The following PTPRG variants were observed in gnomAD, a reference collection of about 807,000 sequenced individuals.
The protein encoded by PTPRG is receptor-type tyrosine-protein phosphatase gamma.
In PTPRG, 102 loss-of-function variants were observed where a neutral mutation model predicts 165.3. The observed-to-expected ratio is 0.62, with a 90% CI of 0.53 to 0.73. The LOEUF (loss-of-function observed/expected upper bound fraction) is 0.73. Ranked by LOEUF, PTPRG falls within the 30% of genes least tolerant of loss-of-function variation. The pLI, the probability that PTPRG is intolerant of heterozygous loss-of-function variation, is 0.00. For missense variants in PTPRG, 1,866 were observed against 1,861.4 expected, an observed-to-expected ratio of 1.00 and a Z score of -0.05; for synonymous variants, 675 against 669.5, an observed-to-expected ratio of 1.01 and a Z score of -0.13.
chr3:62,275,753 C>A (rs1322922798), intron 23 of PTPRG, 120 bp from the exon 24 acceptor site: 1 of 707,498 alleles, frequency 1.4e-6, no homozygotes, highest in South Asian at 1.9e-5. Flanking sequence ...TTAAAAGGTT[C>A]TTTGTGGCAC....
At chr3:61,833,266 T>A (rs2036361515) in intron 2 of PTPRG, among the ~76,000 whole-genome samples, 1 of 152,184 alleles carries the variant, frequency 6.6e-6, no homozygotes, top group South Asian at 2.1e-4. Flanking sequence ...ACTTTCACTA[T>A]AATGCCCCCA....
intron 1 of PTPRG, among the ~76,000 whole-genome samples, chr3:61,643,295 CAG>C (rs1702115107): frequency 6.8e-6 from 1 of 146,824 alleles, no homozygotes; most frequent in Non-Finnish European, 1.5e-5. Context: ...GAGAGAGAGA[CAG>C]AGACAGACAG....
intron 1 of PTPRG, among the ~76,000 whole-genome samples, chr3:61,696,399 G>A (rs1031405355): frequency 1.3e-5 from 2 of 152,128 alleles, no homozygotes; most frequent in Non-Finnish European, 2.9e-5. Flanking sequence ...CTACTTGGGA[G>A]GCTGAGGCAA....
At chr3:61,927,829 T>C (rs1575793575) in intron 2 of PTPRG, among the ~76,000 whole-genome samples, 1 of 152,218 alleles carries the variant, frequency 6.6e-6, no homozygotes, top group Non-Finnish European at 1.5e-5. Flanking sequence ...TGATGTTGAA[T>C]AGAAGCTGAA....
At chr3:62,114,196 G>A (rs1559522795) in intron 5 of PTPRG, among the ~76,000 whole-genome samples, 1 of 152,146 alleles carries the variant, frequency 6.6e-6, no homozygotes, top group Non-Finnish European at 1.5e-5. Flanking sequence ...CTACTTGGGA[G>A]GCTGAGGCAG....
At chr3:61,925,133 T>G (rs2107570645) in intron 2 of PTPRG, among the ~76,000 whole-genome samples, 1 of 152,362 alleles carries the variant, frequency 6.6e-6, no homozygotes, top group African/African-American at 2.4e-5. Context: ...TCAAGGTGAC[T>G]TAAGACAGAA....
At chr3:61,805,600 A>T (rs2035390266) in intron 2 of PTPRG, among the ~76,000 whole-genome samples, 1 of 151,000 alleles carries the variant, frequency 6.6e-6, no homozygotes, top group South Asian at 2.1e-4. Context: ...TTTCCCTCTG[A>T]GGACTGTTTT....
chr3:61,616,663 A>G (rs1258078947), intron 1 of PTPRG, among the ~76,000 whole-genome samples: 1 of 152,222 alleles, frequency 6.6e-6, no homozygotes, highest in East Asian at 1.9e-4. Context: ...TCTTCTGCAG[A>G]ATAAGGCATG....
At chr3:61,874,676 A>G (rs1054359378) in intron 2 of PTPRG, among the ~76,000 whole-genome samples, 4 of 152,158 alleles carry the variant, frequency 2.6e-5, no homozygotes, top group Admixed American at 1.3e-4. Flanking sequence ...GCTTTGGGAC[A>G]GGGGGAGTGT....
chr3:61,587,633 A>G (rs999589849), intron 1 of PTPRG, among the ~76,000 whole-genome samples: 6 of 152,120 alleles, frequency 3.9e-5, no homozygotes, highest in African/African-American at 1.2e-4. Context: ...AGGAAACAAT[A>G]AAGTTTTTCA....
At chr3:62,236,516 T>C (rs1701037912) in intron 14 of PTPRG, among the ~76,000 whole-genome samples, 1 of 152,236 alleles carries the variant, frequency 6.6e-6, no homozygotes, top group Admixed American at 6.5e-5. Flanking sequence ...GCGGGTATGC[T>C]ACTGTAAATT....
Position 61,653,900 on chromosome 3 carries a change from G to GC in PTPRG, c.85+91528_85+91529insC, listed in dbSNP as rs1283646481. The stretch of plus-strand genomic sequence containing the variant: ...TGCAGGTTGTTAAGCGGGGAGCGGT[G>GC]GGGGGCGCGGGGAACTGTAAGGGAA... On this transcript the variant is annotated intron_variant, in intron 1 of 29. Transcript: ENST00000474889. 1.0e-4 allele frequency among the ~76,000 whole-genome samples: 11 copies of GC among 105,614 alleles called. 2 individuals carry two copies. Among genetic ancestry groups the GC allele is most frequent in the Admixed American group, 1.9e-4 (2 of 10,388 alleles). The allele number at this position is 105,614 out of a possible 152,430, so 69.3% of individuals were successfully genotyped here.
At chr3:61,659,590 T>A (rs1702603324) in intron 1 of PTPRG, 1 of 412,970 alleles carries the variant, frequency 2.4e-6, no homozygotes, top group African/African-American at 2.2e-5. Context: ...ATGTTCCTTC[T>A]CTGAAGAGTG....
intron 4 of PTPRG, among the ~76,000 whole-genome samples, chr3:62,024,174 G>A (rs6769127): frequency 0.44 from 67,436 of 151,870 alleles, 15,540 homozygotes; most frequent in East Asian, 0.61. Context: ...ATTATGGAAT[G>A]TCTAAATCAA....
intron 2 of PTPRG, among the ~76,000 whole-genome samples, chr3:61,971,323 C>A (rs1575836409): frequency 6.6e-6 from 1 of 151,766 alleles, no homozygotes; most frequent in South Asian, 2.1e-4. Context: ...AAGTACTTAC[C>A]TGGCCATATC....
In PTPRG at chr3:61,805,875, T is replaced by A. The variant is rs531772948; in HGVS notation, c.190+56893T>A. Among the ~76,000 whole-genome samples the A allele has an allele frequency of 2.6e-5, 4 of 152,332 alleles. No individual in the cohort carries two copies. The South Asian group carries it at 6.2e-4, about 24-fold the overall frequency. ...ATGTTAGTGAAGTGGGGCAGGGAGA[T>A]GGATTTACAAATCTTGGAGTTTGCA... On this transcript the variant is annotated intron_variant, in intron 2 of 29. Coordinates refer to ENST00000474889, the MANE Select transcript of PTPRG (RefSeq NM_002841.4).
At chr3:61,567,736 A>G (rs972120593) in intron 1 of PTPRG, among the ~76,000 whole-genome samples, 1 of 151,346 alleles carries the variant, frequency 6.6e-6, no homozygotes, top group South Asian at 2.1e-4. Flanking sequence ...TCATCTCAGC[A>G]CTTTGGGAGA....
chr3:61,755,627 C>T (rs774295041), intron 2 of PTPRG, among the ~76,000 whole-genome samples: 5 of 152,118 alleles, frequency 3.3e-5, no homozygotes, highest in South Asian at 2.1e-4. Context: ...TTGCTGTTGC[C>T]AGATTCCAGT....
At chr3:61,641,448 T>C (rs976717846) in intron 1 of PTPRG, among the ~76,000 whole-genome samples, 2 of 152,220 alleles carry the variant, frequency 1.3e-5, no homozygotes, top group Admixed American at 6.5e-5. Context: ...TTTTATTAAC[T>C]TGGGGGAGAG....
Sources: allele counts gnomAD v4.1 joint callset (sites outside exome capture counted in the v4.1 genomes callset), GRCh38; gene constraint gnomAD v4.1.1; transcripts MANE v1.5; gene names NCBI Gene and HGNC (gene_info 2026-07-23, HGNC 2026-07-21).